HIP1: variants seen among roughly 807,000 people sequenced by gnomAD.
HIP1 encodes the protein huntingtin-interacting protein 1.
Under a neutral mutation model 147.6 loss-of-function variants are expected in HIP1, and 65 were observed. The ratio of observed to expected loss-of-function variants is 0.44; its 90% confidence interval spans 0.36 to 0.54. The LOEUF is 0.54. Ranked by LOEUF, HIP1 falls within the 20% of genes least tolerant of loss-of-function variation. The pLI is 0.00. For synonymous variants in HIP1, 479 were observed against 504.0 expected, an observed-to-expected ratio of 0.95 and a Z score of 0.67; for missense variants, 1,061 against 1,299.6, an observed-to-expected ratio of 0.82 and a Z score of 2.82.
intron 1 of HIP1, among the ~76,000 whole-genome samples, chr7:75,732,653 T>A (rs1231198809): frequency 1.3e-5 from 2 of 152,200 alleles, no homozygotes; most frequent in African/African-American, 4.8e-5. Flanking sequence ...AATGCTGGGA[T>A]GATAAACATG....
At chr7:75,736,570 A>G (rs562411733) in intron 1 of HIP1, among the ~76,000 whole-genome samples, 1 of 152,236 alleles carries the variant, frequency 6.6e-6, no homozygotes, top group Admixed American at 6.5e-5. Context: ...TATAAAAATA[A>G]AAGGAATATA....
At chr7:75,631,356 TGAG>T (rs1798214132) in intron 1 of HIP1, among the ~76,000 whole-genome samples, 1 of 152,126 alleles carries the variant, frequency 6.6e-6, no homozygotes, top group Non-Finnish European at 1.5e-5. Flanking sequence ...GGAAACAGTA[TGAG>T]GAGATCAACT....
At chr7:75,735,222 C>G (rs753445321) in intron 1 of HIP1, among the ~76,000 whole-genome samples, 2 of 152,180 alleles carry the variant, frequency 1.3e-5, no homozygotes, top group Non-Finnish European at 2.9e-5. Flanking sequence ...CAGCTGTAAG[C>G]CTCAAATGCC....
chr7:75,567,724 C>A (rs953983445), intron 9 of HIP1, among the ~76,000 whole-genome samples: 1 of 146,578 alleles, frequency 6.8e-6, no homozygotes, highest in East Asian at 1.9e-4. Flanking sequence ...TCACTTGAAC[C>A]CAGGAGGCGG....
At chr7:75,590,410 A>G (rs1796461315) in intron 4 of HIP1, among the ~76,000 whole-genome samples, 1 of 152,202 alleles carries the variant, frequency 6.6e-6, no homozygotes, top group Non-Finnish European at 1.5e-5. Flanking sequence ...CCTCCCAAAT[A>G]GTAATGAGGA....
chr7:75,582,125 C>G lies in HIP1; in HGVS notation c.492G>C (p.Gln164His). ...TKNPRFPGNL[Q>H]MSDRQLDEAG... Reference sequence around the variant, plus strand: ...CCTCGTCCAGCTGGCGGTCACTCATCTGCAGGTTGCCTGGGAACCTGGGAT... The same window carrying G: ...CCTCGTCCAGCTGGCGGTCACTCATGTGCAGGTTGCCTGGGAACCTGGGAT... The change falls in exon 6 of 31, where the codon CAG (glutamine) becomes CAC (histidine). Residue 164 changes from glutamine (Q) to histidine (H), a missense_variant. Around this residue, in one of 3 missense-constraint regions of HIP1, gnomAD observed 225 missense variants for 292.9 expected, o/e 0.77. Transcript: ENST00000336926. 1 of 1,614,040 alleles carries G rather than the reference C, an allele frequency of 6.2e-7. No homozygotes were observed. Among genetic ancestry groups the G allele is most frequent in the Non-Finnish European group, 8.5e-7 (1 of 1,179,974 alleles).
chr7:75,685,278 AT>A (rs1234015393), intron 1 of HIP1, among the ~76,000 whole-genome samples: 22 of 152,174 alleles, frequency 1.4e-4, no homozygotes, highest in African/African-American at 5.3e-4. Context: ...CCAAACTTCT[AT>A]TTCCAAATTG....
intron 1 of HIP1, among the ~76,000 whole-genome samples, chr7:75,717,548 G>A (rs1187039952): frequency 1.3e-5 from 2 of 151,776 alleles, no homozygotes; most frequent in Non-Finnish European, 2.9e-5. Flanking sequence ...AGAATTAGCC[G>A]GGGCCCGGTG....
intron 2 of HIP1, among the ~76,000 whole-genome samples, chr7:75,596,095 A>C (rs961187452): frequency 1.5e-4 from 23 of 152,146 alleles, no homozygotes; most frequent in Middle Eastern, 3.4e-3. Context: ...GCCAGGCATG[A>C]TGGCATGTGC....
intron 22 of HIP1, among the ~76,000 whole-genome samples, chr7:75,550,811 T>G (rs1794754235): frequency 6.6e-6 from 1 of 152,202 alleles, no homozygotes; most frequent in Non-Finnish European, 1.5e-5. Flanking sequence ...TGTATATATT[T>G]TTCCATGACT....
intron 1 of HIP1, 58 bp from the exon 2 acceptor site, chr7:75,599,305 G>A: frequency 7.5e-7 from 1 of 1,338,576 alleles, no homozygotes; most frequent in Non-Finnish European, 1.1e-6. Flanking sequence ...CTCTGAGAGT[G>A]GCTGAGACCC....
intron 1 of HIP1, among the ~76,000 whole-genome samples, chr7:75,690,920 A>G (rs1800430232): frequency 6.6e-6 from 1 of 152,174 alleles, no homozygotes; most frequent in Non-Finnish European, 1.5e-5. Context: ...ACTCCTAGAT[A>G]TGCATGTGGA....
At chr7:75,724,762 C>T (rs1008262399) in intron 1 of HIP1, among the ~76,000 whole-genome samples, 3 of 151,926 alleles carry the variant, frequency 2.0e-5, no homozygotes, top group African/African-American at 7.2e-5. Flanking sequence ...ATGGAAGCCA[C>T]AACTTGGGCA....
intron 4 of HIP1, among the ~76,000 whole-genome samples, chr7:75,591,034 AT>A (rs34986049): frequency 3.3e-3 from 462 of 142,138 alleles, no homozygotes; most frequent in Middle Eastern, 7.4e-3. Flanking sequence ...AACCAGGGAG[AT>A]TTTTTTTTTT....
chr7:75,599,161 C>G (rs1348527065), intron 2 of HIP1, 23 bp downstream of exon 2: 1 of 1,600,248 alleles, frequency 6.2e-7, no homozygotes, highest in Admixed American at 1.7e-5. Flanking sequence ...GGTCGGTCTT[C>G]CAAGCAACAT....
intron 25 of HIP1, 30 bp from the exon 26 acceptor site, chr7:75,545,218 C>G: frequency 7.7e-7 from 1 of 1,296,796 alleles, no homozygotes. Flanking sequence ...TAATAGCCAC[C>G]TTTTATTGAG....
chr7:75,605,918 T>C (rs1407932007), intron 1 of HIP1, among the ~76,000 whole-genome samples: 1 of 152,190 alleles, frequency 6.6e-6, no homozygotes, highest in Non-Finnish European at 1.5e-5. Flanking sequence ...GGTGCAATCA[T>C]AGCTTACTAT....
intron 1 of HIP1, among the ~76,000 whole-genome samples, chr7:75,671,079 A>G (rs1554515249): frequency 2.0e-5 from 3 of 151,694 alleles, no homozygotes; most frequent in African/African-American, 7.3e-5. Context: ...ATGTGTCAGA[A>G]TTTCCTTCCT....
chr7:75,661,044 C>T (rs769403163), intron 1 of HIP1, among the ~76,000 whole-genome samples: 4 of 151,676 alleles, frequency 2.6e-5, no homozygotes, highest in Admixed American at 6.6e-5. Flanking sequence ...TTTGGAAGGC[C>T]GAGGCGGGAG....
Sources: allele counts gnomAD v4.1 joint callset (sites outside exome capture counted in the v4.1 genomes callset), GRCh38; gene constraint gnomAD v4.1.1; regional missense constraint gnomAD v4.1.1; transcripts MANE v1.5; gene names NCBI Gene and HGNC (gene_info 2026-07-23, HGNC 2026-07-21).